KCNH7: variants seen among roughly 807,000 people sequenced by gnomAD.
KCNH7 encodes the protein voltage-gated inwardly rectifying potassium channel KCNH7.
KCNH7 carries 49 observed loss-of-function variants against 120.8 expected under a neutral mutation model. The observed-to-expected ratio is 0.41, with a 90% confidence interval of 0.32 to 0.51. KCNH7 has a LOEUF of 0.51. KCNH7 is among the 20% of genes least tolerant of loss of function. The pLI is 0.38. For missense variants in KCNH7, 1,097 were observed against 1,446.6 expected, an observed-to-expected ratio of 0.76 and a Z score of 3.92; for synonymous variants, 547 against 516.1, an observed-to-expected ratio of 1.06 and a Z score of -0.81.
chr2:162,657,068 C>G (rs774508133), intron 2 of KCNH7, among the ~76,000 whole-genome samples: 5 of 152,140 alleles, frequency 3.3e-5, no homozygotes, highest in African/African-American at 1.2e-4. Flanking sequence ...TGGAGCAGAA[C>G]GTACACACAA....
At chr2:162,721,640 A>C (rs1687327875) in intron 2 of KCNH7, among the ~76,000 whole-genome samples, 1 of 152,142 alleles carries the variant, frequency 6.6e-6, no homozygotes, top group South Asian at 2.1e-4. Flanking sequence ...CTTACTGGCC[A>C]AATACAATAA....
chr2:162,574,000 A>G (rs916791800), intron 2 of KCNH7, among the ~76,000 whole-genome samples: 1 of 152,078 alleles, frequency 6.6e-6, no homozygotes, highest in Non-Finnish European at 1.5e-5. Flanking sequence ...ATAATTCTTA[A>G]TTTATCCAAA....
intron 14 of KCNH7, among the ~76,000 whole-genome samples, chr2:162,374,040 T>TA (rs1287023927): frequency 2.0e-5 from 3 of 152,196 alleles, no homozygotes; most frequent in Non-Finnish European, 2.9e-5. Context: ...TATTTGCTCT[T>TA]AAAAAATAGA....
chr2:162,631,835 G>T (rs1683778352), intron 2 of KCNH7, among the ~76,000 whole-genome samples: 1 of 151,916 alleles, frequency 6.6e-6, no homozygotes, highest in African/African-American at 2.4e-5. Context: ...TTTGACACAA[G>T]AAATATTAAA....
chr2:162,429,798 G>A (rs1439256690), intron 8 of KCNH7, among the ~76,000 whole-genome samples: 3 of 150,318 alleles, frequency 2.0e-5, no homozygotes, highest in African/African-American at 7.4e-5. Flanking sequence ...TGGATATGTG[G>A]TTTTATAGTT....
intron 8 of KCNH7, 128 bp downstream of exon 8, chr2:162,435,070 T>C (rs1256019264): frequency 3.6e-6 from 3 of 823,492 alleles, no homozygotes; most frequent in African/African-American, 3.5e-5. Context: ...ACAGTACCCA[T>C]ATATGTAATC....
At chr2:162,692,994 C>CTTAGTTTGTAAAAAGG (rs1162111866) in intron 2 of KCNH7, among the ~76,000 whole-genome samples, 2 of 151,922 alleles carry the variant, frequency 1.3e-5, no homozygotes, top group African/African-American at 4.8e-5. Context: ...ATTTATTTTG[C>CTTAGTTTGTAAAAAGG]TTAGTTTGTA....
At chr2:162,441,999 C>CTTT (rs779418084) in intron 7 of KCNH7, among the ~76,000 whole-genome samples, 4,045 of 41,332 alleles carry the variant, frequency 0.098, 1,736 homozygotes, top group Non-Finnish European at 0.16. Context: ...GTTAGGTCTT[C>CTTT]TTTTTTTTTT....
intron 3 of KCNH7, among the ~76,000 whole-genome samples, chr2:162,526,684 A>G (rs967991281): frequency 2.6e-5 from 4 of 152,014 alleles, no homozygotes. Flanking sequence ...CATTGTTGTT[A>G]TCCTGTTCTT....
chr2:162,620,480 T>G (rs1683315168), intron 2 of KCNH7, among the ~76,000 whole-genome samples: 1 of 152,042 alleles, frequency 6.6e-6, no homozygotes, highest in Admixed American at 6.6e-5. Context: ...ATTGCCTTTT[T>G]TGACCCCTGA....
chr2:162,483,568 G>T (rs908990006), intron 6 of KCNH7, among the ~76,000 whole-genome samples: 4 of 151,830 alleles, frequency 2.6e-5, no homozygotes, highest in African/African-American at 9.7e-5. Flanking sequence ...TGAATATTGT[G>T]TTTCTTCTTG....
At chr2:162,705,495 C>A (rs1686665145) in intron 2 of KCNH7, among the ~76,000 whole-genome samples, 1 of 152,056 alleles carries the variant, frequency 6.6e-6, no homozygotes, top group African/African-American at 2.4e-5. Flanking sequence ...AGATTCAAGT[C>A]ATTTGCCTTA....
intron 12 of KCNH7, among the ~76,000 whole-genome samples, chr2:162,390,741 C>T (rs1051846766): frequency 1.3e-5 from 2 of 151,610 alleles, no homozygotes; most frequent in East Asian, 1.9e-4. Context: ...ACAAGGTGCT[C>T]TCAAATTTCT....
chr2:162,572,254 C>G (rs1285845673), intron 2 of KCNH7, among the ~76,000 whole-genome samples: 1 of 151,558 alleles, frequency 6.6e-6, no homozygotes. Flanking sequence ...ACAGACACTT[C>G]TCAAAGGAAG....
chr2:162,617,208 G>T (rs1407674196), intron 2 of KCNH7, among the ~76,000 whole-genome samples: 1 of 152,132 alleles, frequency 6.6e-6, no homozygotes, highest in Non-Finnish European at 1.5e-5. Flanking sequence ...GGCTGGGCGT[G>T]GTGGCTCACG....
intron 6 of KCNH7, among the ~76,000 whole-genome samples, chr2:162,468,266 C>T (rs1689374419): frequency 1.3e-5 from 2 of 152,142 alleles, no homozygotes; most frequent in East Asian, 1.9e-4. Context: ...AAAAGTTCTG[C>T]AGCATTGTTA....
chr2:162,536,785 G>A, intron 3 of KCNH7, 140 bp downstream of exon 3: 1 of 848,808 alleles, frequency 1.2e-6, no homozygotes, highest in Non-Finnish European at 1.8e-6. Context: ...GGTAACATGA[G>A]CTAATGGCTT....
At chr2:162,531,465 C>T (rs1024109475) in intron 3 of KCNH7, among the ~76,000 whole-genome samples, 15 of 151,930 alleles carry the variant, frequency 9.9e-5, no homozygotes, top group Non-Finnish European at 1.6e-4. Flanking sequence ...AACTAGGTAT[C>T]CACCATCCAA....
At chr2:162,447,793 T>C (rs978584479) in intron 6 of KCNH7, among the ~76,000 whole-genome samples, 3 of 152,046 alleles carry the variant, frequency 2.0e-5, no homozygotes, top group Non-Finnish European at 4.4e-5. Context: ...TACCTTTTTA[T>C]CCCCACATAA....
Sources: gnomAD v4.1 joint callset for allele counts (sites outside exome capture counted in the v4.1 genomes callset) on GRCh38, gnomAD v4.1.1 for gene constraint, MANE v1.5 for transcripts, NCBI Gene and HGNC (gene_info 2026-07-23, HGNC 2026-07-21) for gene names.